Variants in HECTD4 observed in about 807,000 individuals in gnomAD.
HECTD4 encodes HECT domain E3 ubiquitin protein ligase 4, also known as probable E3 ubiquitin-protein ligase HECTD4.
A neutral mutation model predicts 471.5 loss-of-function variants in HECTD4; 114 were observed. That is an observed-to-expected ratio of 0.24 (90% CI 0.21 to 0.28). The LOEUF (loss-of-function observed/expected upper bound fraction) is 0.28, where lower values mean the gene tolerates loss of function less well. HECTD4 is among the 10% of genes least tolerant of loss of function. The pLI is 1.00. For missense variants in HECTD4, 3,866 were observed against 5,651.5 expected, an observed-to-expected ratio of 0.68 and a Z score of 10.13; for synonymous variants, 2,012 against 2,256.0, an observed-to-expected ratio of 0.89 and a Z score of 3.07.
chr12:112,319,210 T>C lies in HECTD4; in HGVS notation c.695+15A>G. On this transcript the variant is annotated intron_variant, in intron 2 of 75. Transcript: ENST00000682272. The surrounding 1 kb of genome is among the most constrained non-coding windows in gnomAD (Gnocchi z 5.3). ...AGTCACAAGGTCACCAAATGATACA[T>C]TCGATTTTCCTTACCTGGCACAAGC... 1 of 1,535,706 alleles carries C rather than the reference T, an allele frequency of 6.5e-7. No individual in the cohort carries two copies.
At chr12:112,259,776 C>T (rs1475418172) in intron 18 of HECTD4, among the ~76,000 whole-genome samples, 1 of 152,080 alleles carries the variant, frequency 6.6e-6, no homozygotes, top group Non-Finnish European at 1.5e-5. Context: ...CTGTAAAGTT[C>T]TCTTGCCTCT....
intron 1 of HECTD4, among the ~76,000 whole-genome samples, chr12:112,371,437 T>C (rs996901329): frequency 2.6e-5 from 4 of 151,968 alleles, no homozygotes; most frequent in Non-Finnish European, 5.9e-5. Flanking sequence ...TAGCTGGGCA[T>C]GGTGGCACAT....
At chr12:112,344,127 T>C (rs1392713049) in intron 1 of HECTD4, among the ~76,000 whole-genome samples, 2 of 152,212 alleles carry the variant, frequency 1.3e-5, no homozygotes, top group African/African-American at 4.8e-5. Flanking sequence ...TCCACAAGGC[T>C]TCCTAAGGCA....
In HECTD4 at chr12:112,178,967, G is replaced by A. The variant is rs771168464; in HGVS notation, c.11327C>T (p.Pro3776Leu). The A allele has an allele frequency of 9.3e-6, 15 of 1,612,778 alleles. No individual in the cohort carries two copies. Among genetic ancestry groups the A allele is most frequent in the African/African-American group, 2.7e-5 (2 of 74,950 alleles). ...VVSTKRPITKPPAKDKAVLNS... is the reference protein window; with the variant it reads ...VVSTKRPITKLPAKDKAVLNS... ...GAGCACAGCCTTGTCCTTGGCGGGC[G>A]GCTTGGTGATAGGCCGCTTGGTGCT... Residue 3776 changes from proline (P) to leucine (L), a missense_variant, in exon 64 of 76, where the codon CCG (proline) becomes CTG (leucine). By Grantham distance (98) the Pro-to-Leu change is moderately conservative (BLOSUM62 -3). Transcript: ENST00000682272.
chr12:112,296,515 G>C (rs1299891079), intron 7 of HECTD4, among the ~76,000 whole-genome samples: 1 of 151,376 alleles, frequency 6.6e-6, no homozygotes, highest in Non-Finnish European at 1.5e-5. Context: ...TAGGTGCAGA[G>C]GGTGTAGGTG....
At chr12:112,289,929 G>A (rs371589029) in intron 7 of HECTD4, among the ~76,000 whole-genome samples, 48 of 152,020 alleles carry the variant, frequency 3.2e-4, no homozygotes, top group African/African-American at 8.9e-4. Context: ...CTCCCGCTTC[G>A]GCCTCCCAAA....
At chr12:112,338,849 G>A (rs1462760804) in intron 1 of HECTD4, among the ~76,000 whole-genome samples, 2 of 151,934 alleles carry the variant, frequency 1.3e-5, no homozygotes, top group African/African-American at 2.4e-5. Context: ...TTAGGAGGAG[G>A]TGCCACATAC....
intron 60 of HECTD4, among the ~76,000 whole-genome samples, chr12:112,186,746 C>A (rs2031879571): frequency 6.6e-6 from 1 of 151,594 alleles, no homozygotes; most frequent in South Asian, 2.1e-4. Context: ...CAGCTCACTG[C>A]AACCTCCGCC....
intron 9 of HECTD4, among the ~76,000 whole-genome samples, chr12:112,278,088 A>G (rs2135633373): frequency 6.6e-6 from 1 of 152,332 alleles, no homozygotes; most frequent in Non-Finnish European, 1.5e-5. Flanking sequence ...ATAAACAAAC[A>G]AACGAAAAAG....
At chr12:112,305,123 T>C (rs1490735454) in intron 7 of HECTD4, among the ~76,000 whole-genome samples, 1 of 152,208 alleles carries the variant, frequency 6.6e-6, no homozygotes, top group Admixed American at 6.5e-5. Context: ...ATATCTTTGC[T>C]GTTCAACGAA....
intron 48 of HECTD4, among the ~76,000 whole-genome samples, chr12:112,216,066 C>T (rs890851518): frequency 6.6e-6 from 1 of 152,164 alleles, no homozygotes; most frequent in Non-Finnish European, 1.5e-5. Context: ...GACTAAGGCA[C>T]AAAAGTACAC....
At chr12:112,202,380 A>AT (rs1217248360) in intron 54 of HECTD4, among the ~76,000 whole-genome samples, 2 of 151,782 alleles carry the variant, frequency 1.3e-5, no homozygotes, top group African/African-American at 2.4e-5. Flanking sequence ...TAATTTTTGC[A>AT]TTTTTAGTAG....
intron 55 of HECTD4, among the ~76,000 whole-genome samples, chr12:112,197,146 A>C (rs1188827401): frequency 6.6e-6 from 1 of 152,102 alleles, no homozygotes; most frequent in East Asian, 1.9e-4. Flanking sequence ...TCCTGGGCTC[A>C]AATGATCTTC....
chr12:112,184,899 C>T lies in HECTD4; in HGVS notation c.10067G>A (p.Arg3356His). The change falls in exon 61 of 76, where the codon CGC becomes CAC. Residue 3356 changes from arginine to histidine, a missense_variant. Coordinates refer to ENST00000682272, the MANE Select transcript of HECTD4 (RefSeq NM_001388303.1). The surrounding 1 kb of genome is among the most constrained non-coding windows in gnomAD (Gnocchi z 9.1). Reference protein sequence around the residue: ...SKPEDMLWFHRALTLLIILRH... With the variant: ...SKPEDMLWFHHALTLLIILRH... Reference sequence around the variant, plus strand: ...GAGGATGATGAGCAGGGTGAGTGCGCGGTGGAACCACAGCATGTCCTCGGG... The same window carrying T: ...GAGGATGATGAGCAGGGTGAGTGCGTGGTGGAACCACAGCATGTCCTCGGG... The T allele has an allele frequency of 1.2e-6, 2 of 1,612,852 alleles. No homozygotes were observed. The highest frequency in any genetic ancestry group is 1.7e-6 in the Non-Finnish European group (2 of 1,179,258).
intron 40 of HECTD4, 148 bp downstream of exon 40, chr12:112,230,539 T>C (rs4767522): frequency 0.16 from 149,186 of 952,522 alleles, 23,803 homozygotes; most frequent in East Asian, 0.83. Flanking sequence ...AGTACTACAG[T>C]AAAGCAACTT....
In HECTD4 at chr12:112,212,643, C is replaced by T. The variant is rs1428052106; in HGVS notation, c.7473G>A (p.Val2491=). 1.2e-6 allele frequency: 2 copies of T among 1,611,000 alleles called. No homozygotes were observed. Among genetic ancestry groups the T allele is most frequent in the Non-Finnish European group, 1.7e-6 (2 of 1,178,522 alleles). ...RLDVTLSPGD[V]AGIGWERTEG... The stretch of plus-strand genomic sequence containing the variant: ...CAGTTCTCTCCCAGCCAATTCCTGC[C>T]ACGTCACCTATAGCAGAGAACGGGA... Residue 2491 remains valine (V), a synonymous_variant, in exon 49 of 76, where the codon GTG becomes GTA. Coordinates refer to ENST00000682272, the MANE Select transcript of HECTD4 (RefSeq NM_001388303.1).
At chr12:112,346,667 T>C (rs930845350) in intron 1 of HECTD4, among the ~76,000 whole-genome samples, 3 of 152,108 alleles carry the variant, frequency 2.0e-5, no homozygotes, top group Admixed American at 1.3e-4. Context: ...CAGGAAAGAT[T>C]TTTGTGTTGA....
chr12:112,208,813 A>G (rs761789310), intron 50 of HECTD4, among the ~76,000 whole-genome samples, 183 bp from the exon 51 acceptor site: 5 of 152,086 alleles, frequency 3.3e-5, no homozygotes, highest in Non-Finnish European at 7.4e-5. Context: ...CCTGAATCCT[A>G]AAATAGTTTT....
chr12:112,367,746 G>A (rs536617081), intron 1 of HECTD4, among the ~76,000 whole-genome samples: 5 of 149,458 alleles, frequency 3.3e-5, no homozygotes, highest in East Asian at 2.0e-4. Context: ...GCTTGAACCC[G>A]GGAGGCAGAG....
Sources: gnomAD v4.1 joint callset for allele counts (sites outside exome capture counted in the v4.1 genomes callset) on GRCh38, gnomAD v4.1.1 for gene constraint, Gnocchi (gnomAD v3.1) non-coding constraint, MANE v1.5 for transcripts, NCBI Gene and HGNC (gene_info 2026-07-23, HGNC 2026-07-21) for gene names.